Variants in FRAS1 observed in about 807,000 individuals in gnomAD.
FRAS1 encodes Fraser extracellular matrix complex subunit 1.
A neutral mutation model predicts 435.2 loss-of-function variants in FRAS1; 290 were observed. The observed-to-expected ratio is 0.67, with a 90% CI of 0.61 to 0.73. The LOEUF (loss-of-function observed/expected upper bound fraction) is 0.73, where lower values mean the gene tolerates loss of function less well. Ranked by LOEUF, FRAS1 falls within the 30% of genes least tolerant of loss-of-function variation. The pLI is 0.00. For missense variants in FRAS1, 4,860 were observed against 5,001.5 expected (o/e 0.97, Z 0.85); for synonymous variants, 1,800 against 1,851.0 (o/e 0.97, Z 0.71).
At chr4:78,096,422 T>C (rs1387728501) in intron 2 of FRAS1, among the ~76,000 whole-genome samples, 1 of 152,198 alleles carries the variant, frequency 6.6e-6, no homozygotes, top group Non-Finnish European at 1.5e-5. Context: ...GGTACCCCAG[T>C]AGGGACTCTG....
chr4:78,113,281 C>G (rs902682405), intron 2 of FRAS1, among the ~76,000 whole-genome samples: 2 of 151,986 alleles, frequency 1.3e-5, no homozygotes, highest in South Asian at 2.1e-4. Context: ...AGTGCCGCAA[C>G]AAACATAAGT....
At chr4:78,152,880 C>A (rs571346532) in intron 2 of FRAS1, among the ~76,000 whole-genome samples, 1 of 152,074 alleles carries the variant, frequency 6.6e-6, no homozygotes, top group Non-Finnish European at 1.5e-5. Flanking sequence ...CCTGGAAAAT[C>A]GGTCTCATTA....
At chr4:78,138,013 A>T (rs369225077) in intron 2 of FRAS1, among the ~76,000 whole-genome samples, 1 of 152,168 alleles carries the variant, frequency 6.6e-6, no homozygotes, top group African/African-American at 2.4e-5. Flanking sequence ...GGTCGGGTGC[A>T]CCCAGTGTGC....
chr4:78,363,402 G>A (rs1461857724), intron 20 of FRAS1, 111 bp from the exon 21 acceptor site: 3 of 1,075,730 alleles, frequency 2.8e-6, no homozygotes, highest in Admixed American at 5.1e-5. Flanking sequence ...CTACTCTCCA[G>A]CTGTCAGCTG....
intron 41 of FRAS1, chr4:78,444,313 G>A (rs983512814): frequency 1.6e-5 from 4 of 244,676 alleles, no homozygotes; most frequent in African/African-American, 9.3e-5. Context: ...TGGCCGCTTA[G>A]ACCTCTCTCA....
intron 2 of FRAS1, among the ~76,000 whole-genome samples, chr4:78,133,931 T>C (rs1305951523): frequency 6.6e-6 from 1 of 151,128 alleles, no homozygotes; most frequent in Non-Finnish European, 1.5e-5. Flanking sequence ...TTAAGAAAGG[T>C]GAGGGAGCTG....
intron 59 of FRAS1, among the ~76,000 whole-genome samples, chr4:78,494,096 C>T (rs1720443433): frequency 6.6e-6 from 1 of 152,120 alleles, no homozygotes; most frequent in African/African-American, 2.4e-5. Flanking sequence ...ATATGTATCT[C>T]TTAACTTGTA....
At chr4:78,318,455 T>G (rs1282434329) in intron 17 of FRAS1, among the ~76,000 whole-genome samples, 1 of 152,220 alleles carries the variant, frequency 6.6e-6, no homozygotes, top group East Asian at 1.9e-4. Context: ...GTTCTAAAAA[T>G]CTGCAATAAA....
chr4:78,295,518 T>A (rs1728105576), intron 14 of FRAS1, among the ~76,000 whole-genome samples: 1 of 152,202 alleles, frequency 6.6e-6, no homozygotes, highest in African/African-American at 2.4e-5. Context: ...GTGGAGTTAA[T>A]CATGCTTGTC....
At chr4:78,241,294 G>A (rs751968456) in intron 3 of FRAS1, among the ~76,000 whole-genome samples, 17 of 152,274 alleles carry the variant, frequency 1.1e-4, no homozygotes, top group Admixed American at 4.6e-4. Context: ...AGACTGCAAT[G>A]CCTGTTTACT....
At chr4:78,227,407 C>G (rs879683451) in intron 2 of FRAS1, among the ~76,000 whole-genome samples, 1 of 152,130 alleles carries the variant, frequency 6.6e-6, no homozygotes, top group Admixed American at 6.5e-5. Context: ...TTTTAAATGC[C>G]TCTTGAGATG....
intron 2 of FRAS1, among the ~76,000 whole-genome samples, chr4:78,163,991 T>C (rs941722191): frequency 1.3e-5 from 2 of 152,186 alleles, no homozygotes; most frequent in Admixed American, 1.3e-4. Context: ...CCACTGGCCC[T>C]GATAGTGAGG....
chr4:78,115,631 T>A (rs1743110625), intron 2 of FRAS1, among the ~76,000 whole-genome samples: 1 of 152,200 alleles, frequency 6.6e-6, no homozygotes, highest in Admixed American at 6.5e-5. Context: ...GTGTTTATAG[T>A]ATTCTCTGAT....
chr4:78,134,323 CG>C (rs1348465242), intron 2 of FRAS1, among the ~76,000 whole-genome samples: 5 of 152,004 alleles, frequency 3.3e-5, no homozygotes, highest in South Asian at 2.1e-4. Context: ...AGATTTTGGC[CG>C]TAGAGGTTTT....
intron 9 of FRAS1, among the ~76,000 whole-genome samples, chr4:78,268,912 A>T (rs1415421503): frequency 6.6e-6 from 1 of 152,192 alleles, no homozygotes; most frequent in African/African-American, 2.4e-5. Flanking sequence ...CTCCACTGCC[A>T]TCTTTTCTTT....
chr4:78,242,528 C>T lies in FRAS1; in HGVS notation c.217-2705C>T, dbSNP rs1335687436. Among the ~76,000 whole-genome samples, 14 of 152,324 alleles carry T rather than the reference C, an allele frequency of 9.2e-5. No homozygotes were observed. The South Asian group carries it at 1.2e-3, about 14-fold the overall frequency. On this transcript the variant is annotated intron_variant, in intron 3 of 73. Coordinates refer to ENST00000512123, the MANE Select transcript of FRAS1 (RefSeq NM_025074.7). ...TCTGCTCACTGTAACCTCTGCCTCTCGGGTTCAAGTGATTCTCCTGCCTCA... is the reference window on the plus strand; with the variant it reads ...TCTGCTCACTGTAACCTCTGCCTCTTGGGTTCAAGTGATTCTCCTGCCTCA...
intron 7 of FRAS1, 135 bp downstream of exon 7, chr4:78,265,243 C>A: frequency 1.8e-6 from 1 of 549,904 alleles, no homozygotes; most frequent in Non-Finnish European, 3.2e-6. Flanking sequence ...ACATAAACAG[C>A]TTTTCTCTTC....
chr4:78,310,526 G>A (rs538691622), intron 15 of FRAS1, among the ~76,000 whole-genome samples: 1 of 152,234 alleles, frequency 6.6e-6, no homozygotes, highest in African/African-American at 2.4e-5. Context: ...GCTGACATTA[G>A]TCAACCAATG....
At chr4:78,197,002 A>G (rs547135724) in intron 2 of FRAS1, among the ~76,000 whole-genome samples, 2 of 152,378 alleles carry the variant, frequency 1.3e-5, no homozygotes, top group East Asian at 3.9e-4. Flanking sequence ...GGGACAAAGT[A>G]GAACAGAAAT....
Sources: gnomAD v4.1 joint callset for allele counts (sites outside exome capture counted in the v4.1 genomes callset) on GRCh38, gnomAD v4.1.1 for gene constraint, MANE v1.5 for transcripts, NCBI Gene and HGNC (gene_info 2026-07-23, HGNC 2026-07-21) for gene names.